The following COL16A1 variants were observed in gnomAD, a reference collection of about 807,000 sequenced individuals.
COL16A1 encodes the protein collagen type XVI alpha 1 chain.
In COL16A1, 189 loss-of-function variants were observed where a neutral mutation model predicts 266.3. The ratio of observed to expected loss-of-function variants is 0.71; its 90% CI spans 0.63 to 0.80. COL16A1 has a LOEUF of 0.80. COL16A1 is among the 30% of genes least tolerant of loss of function. The pLI, the probability that COL16A1 is intolerant of heterozygous loss-of-function variation, is 0.00. For synonymous variants in COL16A1, 740 were observed against 782.3 expected (o/e 0.95, Z 0.90); for missense variants, 1,928 against 2,122.4 (o/e 0.91, Z 1.80).
In COL16A1 at chr1:31,697,853, A is replaced by G; in HGVS notation, c.657+53T>C. 1 of 1,542,284 alleles carries G rather than the reference A, an allele frequency of 6.5e-7. No homozygotes were observed. Among genetic ancestry groups the G allele is most frequent in the Non-Finnish European group, 8.7e-7 (1 of 1,145,554 alleles). ...TTCCGATACGGATTCCAGGAAGCCC[A>G]CTCAGGTTCCCAGAAGGCAGGAACA... On this transcript the variant is annotated intron_variant, in intron 6 of 70. Coordinates refer to ENST00000373672, the MANE Select transcript of COL16A1 (RefSeq NM_001856.4). The surrounding 1 kb of genome is among the most constrained non-coding windows in gnomAD (Gnocchi z 4.2).
Position 31,672,729 on chromosome 1 carries a change from C to T in COL16A1, c.2971G>A (p.Ala991Thr), listed in dbSNP as rs372484590. The T allele has an allele frequency of 6.1e-5, 99 of 1,613,816 alleles. No individual in the cohort carries two copies. Among genetic ancestry groups the T allele is most frequent in the Non-Finnish European group, 7.2e-5 (85 of 1,179,892 alleles). Reference protein sequence around the residue: ...IPGVPGLDNCAQCFLSLERPR... With the variant: ...IPGVPGLDNCTQCFLSLERPR... ...CCCCAAGCCCAGTCCCTTACCTGGGCGCAGTTGTCGAGGCCTGGCACACCA... is the reference window on the plus strand; with the variant it reads ...CCCCAAGCCCAGTCCCTTACCTGGGTGCAGTTGTCGAGGCCTGGCACACCA... Residue 991 changes from alanine to threonine, a missense_variant, in exon 45 of 71, where the codon GCC becomes ACC. Physicochemically the swap from Ala to Thr is moderately conservative, Grantham distance 58. Transcript: ENST00000373672.
At chr1:31,681,853 G>A (rs1405233753) in intron 37 of COL16A1, among the ~76,000 whole-genome samples, 1 of 152,248 alleles carries the variant, frequency 6.6e-6, no homozygotes, top group Non-Finnish European at 1.5e-5. Context: ...GGACAGGCAG[G>A]AACCCTGGCT....
chr1:31,671,526 C>G (rs1053240079), intron 48 of COL16A1, 89 bp downstream of exon 48: 2 of 1,553,454 alleles, frequency 1.3e-6, no homozygotes, highest in Non-Finnish European at 1.8e-6. Flanking sequence ...CTTGCCCAGC[C>G]TTTTGGGGAC....
Position 31,683,315 on chromosome 1 carries a change from A to G in COL16A1, c.2415+19T>C. 6.2e-7 allele frequency: 1 copy of G among 1,614,168 alleles called. No homozygotes were observed. On this transcript the variant is annotated intron_variant, in intron 35 of 70. Coordinates refer to ENST00000373672, the MANE Select transcript of COL16A1 (RefSeq NM_001856.4). Reference sequence around the variant, plus strand: ...GCCCCCTCCCCTGCTATCCTCCTTCAGGACTCAGGCAGACGTACCTGAATG... The same window carrying G: ...GCCCCCTCCCCTGCTATCCTCCTTCGGGACTCAGGCAGACGTACCTGAATG...
chr1:31,654,699 T>C (rs1640949247), intron 68 of COL16A1, 93 bp downstream of exon 68: 1 of 1,604,018 alleles, frequency 6.2e-7, no homozygotes. Context: ...CAGGAGGACA[T>C]TGAGCGTTAA....
intron 9 of COL16A1, 91 bp downstream of exon 9, chr1:31,695,997 G>T: frequency 8.3e-7 from 1 of 1,197,918 alleles, no homozygotes; most frequent in Non-Finnish European, 1.2e-6. Flanking sequence ...CGGGAGGAGA[G>T]TGGGAGTGGA....
rs200935948 is a variant in COL16A1, at chr1:31,692,506, G to A, written c.1162C>T (p.Pro388Ser). 4.9e-4 allele frequency: 783 copies of A among 1,613,920 alleles called. No individual in the cohort carries two copies. Among genetic ancestry groups the A allele is most frequent in the Non-Finnish European group, 6.4e-4 (758 of 1,179,884 alleles). Residue 388 changes from proline (P) to serine (S), a missense_variant, in exon 16 of 71, where the codon CCC becomes TCC. Transcript: ENST00000373672. ...GEKGESGALGPSGLPGSTGEK... is the reference protein window; with the variant it reads ...GEKGESGALGSSGLPGSTGEK... ...CCTGTTGAGCCTGGGAGTCCTGAGG[G>A]TCCCTGAGATGAGGAAGGGAGACAG...
intron 60 of COL16A1, 27 bp downstream of exon 60, chr1:31,661,387 T>C (rs762158305): frequency 3.7e-6 from 6 of 1,613,832 alleles, no homozygotes; most frequent in Non-Finnish European, 4.2e-6. Context: ...AGAGATAACC[T>C]GCTTGGCAGA....
At chr1:31,694,221 AG>A in intron 11 of COL16A1, 51 bp from the exon 12 acceptor site, 1 of 1,517,604 alleles carries the variant, frequency 6.6e-7, no homozygotes, top group East Asian at 2.4e-5. Flanking sequence ...AGAGAAAACC[AG>A]GGGCCCAGAG....
chr1:31,695,118 G>C, intron 11 of COL16A1, 68 bp downstream of exon 11: 1 of 1,570,700 alleles, frequency 6.4e-7, no homozygotes, highest in Non-Finnish European at 8.7e-7. Flanking sequence ...AGGCTGCCAA[G>C]CCAGCTCTAG....
intron 1 of COL16A1, 31 bp from the exon 2 acceptor site, chr1:31,702,258 TTC>T (rs1644750522): frequency 6.2e-7 from 1 of 1,609,112 alleles, no homozygotes. Flanking sequence ...GAAGGCGGAT[TTC>T]TGAGTTCACA....
chr1:31,666,301 G>A, intron 52 of COL16A1: 1 of 577,064 alleles, frequency 1.7e-6, no homozygotes, highest in Non-Finnish European at 3.0e-6. Flanking sequence ...CTCACTGCAA[G>A]CCAGCCAGCA....
Position 31,698,101 on chromosome 1 carries a change from C to T in COL16A1, c.462G>A (p.Val154=). The part of the protein sequence containing the change: ...LRAQGQDGDF[V]SCIFPVPQLF... Reference sequence around the variant, plus strand: ...GCTGGGGCACTGGGAAGATGCAGGACACAAAGTCGCCATCCTGGCCCTGGG... The same window carrying T: ...GCTGGGGCACTGGGAAGATGCAGGATACAAAGTCGCCATCCTGGCCCTGGG... Residue 154 remains valine, a synonymous_variant, in exon 6 of 71, where the codon GTG becomes GTA. Transcript: ENST00000373672. This position sits in a 1 kb window ranked among gnomAD's most constrained non-coding sequence, Gnocchi z 4.1. 1 of 1,613,978 alleles carries T rather than the reference C, an allele frequency of 6.2e-7. No homozygotes were observed. Among genetic ancestry groups the T allele is most frequent in the South Asian group, 1.1e-5 (1 of 91,084 alleles).
chr1:31,676,432 C>G (rs1171182118), intron 42 of COL16A1, among the ~76,000 whole-genome samples: 1 of 152,104 alleles, frequency 6.6e-6, no homozygotes, highest in Non-Finnish European at 1.5e-5. Context: ...GGCTTCTAAC[C>G]CCTCTCTTAA....
rs756687507 is a variant in COL16A1 at position 31,656,477 on chromosome 1, G to A, written c.4057-33C>T. The A allele has an allele frequency of 1.6e-5, 26 of 1,608,146 alleles. No homozygotes were observed. Among genetic ancestry groups the A allele is most frequent in the Middle Eastern group, 1.7e-4 (1 of 5,994 alleles). On this transcript the variant is annotated intron_variant, in intron 65 of 70. Coordinates refer to ENST00000373672, the MANE Select transcript of COL16A1 (RefSeq NM_001856.4). The surrounding 1 kb of genome is among the most constrained non-coding windows in gnomAD (Gnocchi z 4.2). ...AAAGCAAAAGTCAGAGGTGAAGTCC[G>A]GGCAGCATCTCTGAGGCTCCCTGGG...
At chr1:31,692,424 G>A (rs751384850) in intron 16 of COL16A1, 50 bp downstream of exon 16, 1 of 1,583,718 alleles carries the variant, frequency 6.3e-7, no homozygotes, top group Non-Finnish European at 8.6e-7. Flanking sequence ...CATGGCTGTA[G>A]AGCCTGCAGA....
chr1:31,678,162 C>T (rs886488946), intron 42 of COL16A1, among the ~76,000 whole-genome samples: 3 of 152,100 alleles, frequency 2.0e-5, no homozygotes, highest in African/African-American at 7.2e-5. Flanking sequence ...AGACTCCCAG[C>T]CCACGGTGGC....
In COL16A1 at chr1:31,697,654, T is replaced by C. The variant is rs1443893505; in HGVS notation, c.657+252A>G. ...GAAAGCACTGGGTGCGCTGGATGGC[T>C]AGGATGGAATTGATCAGAGCAGAGC... On this transcript the variant is annotated intron_variant, in intron 6 of 70. Coordinates refer to ENST00000373672, the MANE Select transcript of COL16A1 (RefSeq NM_001856.4). The surrounding 1 kb of genome is among the most constrained non-coding windows in gnomAD (Gnocchi z 4.2). Among the ~76,000 whole-genome samples the C allele has an allele frequency of 6.6e-6, 1 of 152,060 alleles. No individual in the cohort carries two copies. Among genetic ancestry groups the C allele is most frequent in the Admixed American group, 6.5e-5 (1 of 15,286 alleles).
intron 55 of COL16A1, 50 bp downstream of exon 55, chr1:31,665,533 C>A: frequency 6.2e-7 from 1 of 1,613,954 alleles, no homozygotes; most frequent in Non-Finnish European, 8.5e-7. Context: ...GCCTGCCCCT[C>A]CCGATGAGAC....
Sources: gnomAD v4.1 joint callset for allele counts (sites outside exome capture counted in the v4.1 genomes callset) on GRCh38, gnomAD v4.1.1 for gene constraint, Gnocchi (gnomAD v3.1) non-coding constraint, MANE v1.5 for transcripts, NCBI Gene and HGNC (gene_info 2026-07-23, HGNC 2026-07-21) for gene names.